Variants in POLR1B observed in about 807,000 individuals in gnomAD.
POLR1B encodes the protein DNA-directed RNA polymerase I subunit RPA2.
Under a neutral mutation model 105.8 loss-of-function variants are expected in POLR1B, and 30 were observed. The observed-to-expected ratio is 0.28, with a 90% CI of 0.21 to 0.38. The LOEUF is 0.38. Among genes scored for constraint, POLR1B ranks in the 10% least tolerant of loss-of-function variants. The probability of loss-of-function intolerance (pLI) is 1.00; values close to 1 mark genes in which losing one functional copy is unlikely to be tolerated. For missense variants in POLR1B, 976 were observed against 1,435.8 expected (o/e 0.68, Z 5.17); for synonymous variants, 485 against 505.1 (o/e 0.96, Z 0.53).
At chr2:112,558,228 A>T (rs1370957448) in intron 8 of POLR1B, 147 bp downstream of exon 8, 1 of 509,082 alleles carries the variant, frequency 2.0e-6, no homozygotes, top group East Asian at 3.6e-5. Flanking sequence ...ATTGGTCTAA[A>T]GGGCTTTAGA....
rs1684389783 is a variant in POLR1B at position 112,568,008 on chromosome 2, C to T, written c.1788C>T (p.Val596=). ...GAATTCCTCCCTGGATGGAAGTGGT[C>T]CTTATACCCATGACAGGAAAACCAA... is the stretch of plus-strand genomic sequence containing the variant. ...EKRIPPWMEV[V]LIPMTGKPSL... Residue 596 remains valine, a synonymous_variant, in exon 11 of 15, where the codon GTC becomes GTT. Transcript: ENST00000263331. 2 of 1,614,002 alleles carry T rather than the reference C, an allele frequency of 1.2e-6. No individual in the cohort carries two copies. Among genetic ancestry groups the T allele is most frequent in the South Asian group, 2.2e-5 (2 of 91,080 alleles).
chr2:112,577,857 G>A lies in POLR1B; in HGVS notation c.*2128G>A, dbSNP rs1684937346. ...AAAAAAAAAAAAAAAAAAAAAGCGG[G>A]GAGGCATAAGAAAAAACCAATTTAA... On this transcript the variant is annotated 3_prime_UTR_variant, in exon 15 of 15. Coordinates refer to ENST00000263331, the MANE Select transcript of POLR1B (RefSeq NM_019014.6). 6.6e-6 allele frequency among the ~76,000 whole-genome samples: 1 copy of A among 151,058 alleles called. No individual in the cohort carries two copies. The highest frequency in any genetic ancestry group is 1.5e-5 in the Non-Finnish European group (1 of 67,868).
chr2:112,552,407 C>T (rs1683419535), intron 6 of POLR1B, among the ~76,000 whole-genome samples: 1 of 152,138 alleles, frequency 6.6e-6, no homozygotes, highest in Admixed American at 6.5e-5. Flanking sequence ...AGGACTTTGT[C>T]TTATATAACC....
intron 10 of POLR1B, among the ~76,000 whole-genome samples, chr2:112,567,678 C>T (rs1182350239): frequency 1.3e-5 from 2 of 152,150 alleles, no homozygotes; most frequent in Non-Finnish European, 1.5e-5. Context: ...CCCCGGCCCA[C>T]CCATGAGTTT....
intron 12 of POLR1B, among the ~76,000 whole-genome samples, chr2:112,570,633 A>G (rs1684541225): frequency 6.6e-6 from 1 of 152,186 alleles, no homozygotes; most frequent in Non-Finnish European, 1.5e-5. Flanking sequence ...GACAATGGCA[A>G]GGATTTGTGT....
chr2:112,543,657 A>G (rs1682882032), intron 1 of POLR1B, among the ~76,000 whole-genome samples: 1 of 151,808 alleles, frequency 6.6e-6, no homozygotes, highest in South Asian at 2.1e-4. Context: ...TGCCAGTCTG[A>G]TTCTTGAACT....
Position 112,568,729 on chromosome 2 carries a change from G to T in POLR1B, c.1918-17G>T. 1 of 1,612,692 alleles carries T rather than the reference G, an allele frequency of 6.2e-7. No homozygotes were observed. The highest frequency in any genetic ancestry group is 1.1e-5 in the South Asian group (1 of 90,898). The stretch of plus-strand genomic sequence containing the variant: ...CCAGTTGCAGTTATTTTGTGCCTTG[G>T]ACATCTGCTCTTCCAGATCTTCATG... On this transcript the variant is annotated splice_polypyrimidine_tract_variant and intron_variant, in intron 11 of 14. Transcript: ENST00000263331.
At chr2:112,569,998 A>G (rs1011231197) in intron 12 of POLR1B, among the ~76,000 whole-genome samples, 2 of 151,276 alleles carry the variant, frequency 1.3e-5, no homozygotes, top group Non-Finnish European at 2.9e-5. Context: ...ATATTGTTCC[A>G]TAAGACATTG....
At chr2:112,547,715 C>A in intron 3 of POLR1B, 148 bp downstream of exon 3, 2 of 761,546 alleles carry the variant, frequency 2.6e-6, no homozygotes, top group Non-Finnish European at 4.0e-6. Context: ...CAGTGTATGG[C>A]TCTGAATAAC....
chr2:112,550,572 T>G, intron 4 of POLR1B: 1 of 369,624 alleles, frequency 2.7e-6, no homozygotes, highest in South Asian at 3.8e-5. Context: ...ACTCCACAGT[T>G]TAAGGCAGAT....
Position 112,575,038 on chromosome 2 carries a change from A to C in POLR1B, c.2717A>C (p.Glu906Ala). Residue 906 changes from glutamate to alanine, a missense_variant, in exon 15 of 15, where the codon GAG (glutamate) becomes GCG (alanine). Glu to Ala is a moderately radical substitution (Grantham distance 107). Transcript: ENST00000263331. This position sits in a 1 kb window ranked among gnomAD's most constrained non-coding sequence, Gnocchi z 5.3. ...LWPAEDMPFT[E>A]SGMVPDILFN... ...CCGGCTGAGGACATGCCTTTTACTG[A>C]GAGTGGGATGGTCCCAGACATTCTG... 1 of 1,614,210 alleles carries C rather than the reference A, an allele frequency of 6.2e-7. No homozygotes were observed. The highest frequency in any genetic ancestry group is 1.1e-5 in the South Asian group (1 of 91,086).
In POLR1B at chr2:112,578,929, T is replaced by A. The variant is rs1448974972; in HGVS notation, c.*3200T>A. ...TGAAACTGCATAAAGCAAAACTGGC[T>A]GGGTGCGGTGGTGCACACCTGTAAT... On this transcript the variant is annotated 3_prime_UTR_variant, in exon 15 of 15. Transcript: ENST00000263331. Among the ~76,000 whole-genome samples, 2 of 152,072 alleles carry A rather than the reference T, an allele frequency of 1.3e-5. No homozygotes were observed. The highest frequency in any genetic ancestry group is 1.3e-4 in the Admixed American group (2 of 15,248).
At chr2:112,553,103 T>C (rs1454675711) in intron 7 of POLR1B, among the ~76,000 whole-genome samples, 2 of 152,244 alleles carry the variant, frequency 1.3e-5, no homozygotes, top group Admixed American at 1.3e-4. Context: ...ATCCTCATTA[T>C]TTGTAGATTC....
chr2:112,566,541 G>A lies in POLR1B; in HGVS notation c.1747-1426G>A, dbSNP rs183156221. Among the ~76,000 whole-genome samples the A allele has an allele frequency of 2.9e-4, 44 of 152,218 alleles. No homozygotes were observed. In the South Asian group the frequency reaches 7.9e-3, roughly 27 times the overall value. ...TAGTTGTTCATTTATTTATGTTAGC[G>A]TAGATTTATAGATGCTTGTTTAATT... On this transcript the variant is annotated intron_variant, in intron 10 of 14. Coordinates refer to ENST00000263331, the MANE Select transcript of POLR1B (RefSeq NM_019014.6).
upstream of POLR1B, chr2:112,542,342 G>A: frequency 1.3e-6 from 2 of 1,551,052 alleles, no homozygotes; most frequent in East Asian, 2.4e-5. Context: ...CCGAGAAACC[G>A]AAACCGCAGG....
upstream of POLR1B, chr2:112,542,462 C>A (rs370384113): frequency 2.0e-6 from 3 of 1,477,252 alleles, 1 homozygote; most frequent in South Asian, 3.6e-5. Flanking sequence ...CGGCGTGTAC[C>A]GAGAGACTGG....
chr2:112,546,941 G>A, intron 1 of POLR1B, 71 bp from the exon 2 acceptor site: 1 of 1,492,258 alleles, frequency 6.7e-7, no homozygotes, highest in Non-Finnish European at 9.2e-7. Flanking sequence ...GAACACATAA[G>A]ATTTGGAAGA....
upstream of POLR1B, chr2:112,542,417 C>T (rs546574249): frequency 2.4e-5 from 38 of 1,612,318 alleles, no homozygotes; most frequent in Non-Finnish European, 3.2e-5. Flanking sequence ...GGGACTGCGG[C>T]CACTACTTCC....
At chr2:112,563,256 C>T (rs1377890259) in intron 9 of POLR1B, among the ~76,000 whole-genome samples, 3 of 151,126 alleles carry the variant, frequency 2.0e-5, no homozygotes, top group Non-Finnish European at 2.9e-5. Context: ...GGGGTTTCAC[C>T]GTGTTAGCCA....
Sources: gnomAD v4.1 joint callset for allele counts (sites outside exome capture counted in the v4.1 genomes callset) on GRCh38, gnomAD v4.1.1 for gene constraint, Gnocchi (gnomAD v3.1) non-coding constraint, MANE v1.5 for transcripts, NCBI Gene and HGNC (gene_info 2026-07-23, HGNC 2026-07-21) for gene names.